PRAMEF11: variants seen among roughly 807,000 people sequenced by gnomAD.
The protein encoded by PRAMEF11 is PRAME family member 11.
PRAMEF11 carries 17 observed loss-of-function variants against 33.6 expected under a neutral mutation model. The ratio of observed to expected loss-of-function variants is 0.51; its 90% confidence interval spans 0.35 to 0.76. PRAMEF11 has a LOEUF of 0.76. Among genes scored for constraint, PRAMEF11 ranks in the 30% least tolerant of loss-of-function variants. The pLI, the probability that PRAMEF11 is intolerant of heterozygous loss-of-function variation, is 0.01. For synonymous variants in PRAMEF11, 205 were observed against 227.3 expected, an observed-to-expected ratio of 0.90 and a Z score of 0.88; for missense variants, 568 against 567.0, an observed-to-expected ratio of 1.00 and a Z score of -0.02.
intron 3 of PRAMEF11, among the ~76,000 whole-genome samples, chr1:12,827,035 T>C (rs3738103): frequency 0.072 from 10,900 of 151,032 alleles, 700 homozygotes; most frequent in East Asian, 0.15. Flanking sequence ...GCAGCCTCTC[T>C]ATAGCATCTC....
chr1:12,825,833 G>A lies in PRAMEF11; in HGVS notation c.876-330C>T, dbSNP rs1736828. On this transcript the variant is annotated intron_variant, in intron 3 of 3. Transcript: ENST00000619922. ...TACTAAAAATCCAAAAATTAGCCAGGTGTGGTGGCGGGAGCCTGCAATTCC... is the reference window on the plus strand; with the variant it reads ...TACTAAAAATCCAAAAATTAGCCAGATGTGGTGGCGGGAGCCTGCAATTCC... 1.0e-3 allele frequency among the ~76,000 whole-genome samples: 158 copies of A among 150,646 alleles called. 5 individuals carry two copies. The highest frequency in any genetic ancestry group is 1.2e-3 in the Non-Finnish European group (81 of 67,564).
intron 1 of PRAMEF11, among the ~76,000 whole-genome samples, chr1:12,830,325 T>C (rs1639979096): frequency 6.6e-6 from 1 of 151,168 alleles, no homozygotes; most frequent in Non-Finnish European, 1.5e-5. Context: ...TCTCACTTCA[T>C]CGGCCAGGCT....
Position 12,827,278 on chromosome 1 carries a change from G to T in PRAMEF11, c.846C>A (p.Phe282Leu). The T allele has an allele frequency of 6.3e-7, 1 of 1,597,498 alleles. No individual in the cohort carries two copies. The highest frequency in any genetic ancestry group is 8.5e-7 in the Non-Finnish European group (1 of 1,177,974). Residue 282 changes from phenylalanine to leucine, a missense_variant, in exon 3 of 4, where the codon TTC becomes TTA. By Grantham distance (22) the Phe-to-Leu change is conservative. Transcript: ENST00000619922. ...GCAGCTGGTCCAGGTGGCCTTCGAG[G>T]AAAGAAACAGAGTTCATATAAAGCT... ...LQKLYMNSVSFLEGHLDQLLS... is the reference protein window; with the variant it reads ...LQKLYMNSVSLLEGHLDQLLS...
rs758086793 is a variant in PRAMEF11, at chr1:12,827,575, G to C, written c.549C>G (p.Cys183Trp). ...VKQRRDLLHL[C>W]CKKLKILGMP... ...TTCCCAAAATTTTCAGCTTCTTACA[G>C]CACAGGTGTAGTAAATCTCTCCTCT... Residue 183 changes from cysteine to tryptophan, a missense_variant, in exon 3 of 4, where the codon TGC becomes TGG. This residue lies in a region of PRAMEF11 where 342 missense variants were observed against 312.0 expected (regional missense o/e 1.10). Coordinates refer to ENST00000619922, the MANE Select transcript of PRAMEF11 (RefSeq NM_001146344.3). The C allele has an allele frequency of 8.7e-6, 14 of 1,609,730 alleles. 2 individuals are homozygous for C. The East Asian group carries it at 2.9e-4, about 34-fold the overall frequency.
chr1:12,827,699 C>T lies in PRAMEF11; in HGVS notation c.425G>A (p.Arg142Lys). The T allele has an allele frequency of 6.2e-7, 1 of 1,609,908 alleles. No homozygotes were observed. ...RNKKPVQDCP[R>K]MRGRQPLTVF... ...AGTCAAGGGCTGCCGTCCTCTCATCCTTGGACAGTCCTGCACTGGTTTTTT... is the reference window on the plus strand; with the variant it reads ...AGTCAAGGGCTGCCGTCCTCTCATCTTTGGACAGTCCTGCACTGGTTTTTT... The change falls in exon 3 of 4, where the codon AGG (arginine) becomes AAG (lysine). Residue 142 changes from arginine (R) to lysine (K), a missense_variant. Physicochemically the swap from Arg to Lys is conservative, Grantham distance 26. Coordinates refer to ENST00000619922, the MANE Select transcript of PRAMEF11 (RefSeq NM_001146344.3).
At position 12,830,344 on chromosome 1, in the gene PRAMEF11, G is replaced by A. The variant is rs1338744008; in HGVS notation, c.-17+1012C>T. Among the ~76,000 whole-genome samples the A allele has an allele frequency of 3.3e-5, 5 of 151,244 alleles. 1 individual carries two copies. Among genetic ancestry groups the A allele is most frequent in the Non-Finnish European group, 7.4e-5 (5 of 67,780 alleles). ...ACTTCATCGGCCAGGCTAGAGTGCAGTGGTGTCATATCGGCTCACTGTTAC... is the reference window on the plus strand; with the variant it reads ...ACTTCATCGGCCAGGCTAGAGTGCAATGGTGTCATATCGGCTCACTGTTAC... On this transcript the variant is annotated intron_variant, in intron 1 of 3. Coordinates refer to ENST00000619922, the MANE Select transcript of PRAMEF11 (RefSeq NM_001146344.3).
chr1:12,827,076 G>A lies in PRAMEF11; in HGVS notation c.875+173C>T, dbSNP rs529804705. Among the ~76,000 whole-genome samples the A allele has an allele frequency of 8.4e-5, 12 of 143,512 alleles. 2 individuals are homozygous for A. In the South Asian group the frequency reaches 2.8e-3, roughly 33 times the overall value. 94.1% of individuals were successfully genotyped at this position (143,512 alleles called of 152,430 possible). ...ACTGATCCCTCTGACTCTATTGGGA[G>A]GGTTGCATGATACCCATTTCAGGAC... On this transcript the variant is annotated intron_variant, in intron 3 of 3. Transcript: ENST00000619922.
intron 1 of PRAMEF11, among the ~76,000 whole-genome samples, chr1:12,829,050 T>A (rs1405856581): frequency 1.3e-5 from 2 of 151,630 alleles, no homozygotes; most frequent in African/African-American, 4.8e-5. Flanking sequence ...CAGTGCTCCA[T>A]CCAGTGACTA....
At chr1:12,826,805 A>C (rs1241082666) in intron 3 of PRAMEF11, among the ~76,000 whole-genome samples, 1 of 151,124 alleles carries the variant, frequency 6.6e-6, no homozygotes, top group Admixed American at 6.6e-5. Context: ...TTATTTATTC[A>C]TTTCTGACAG....
rs1485124075 is a variant in PRAMEF11 at position 12,828,868 on chromosome 1, T to G, written c.-16-63A>C. The G allele has an allele frequency of 1.9e-6, 3 of 1,600,424 alleles. No homozygotes were observed. In the African/African-American group the frequency reaches 4.0e-5, roughly 21 times the overall value. ...CAGGCCAAGCCCATGCAATCTCATC[T>G]TCTCCCAGGGCCAAAGTCACTGCTC... is the stretch of plus-strand genomic sequence containing the variant. On this transcript the variant is annotated intron_variant, in intron 1 of 3. Coordinates refer to ENST00000619922, the MANE Select transcript of PRAMEF11 (RefSeq NM_001146344.3).
At chr1:12,829,469 T>A (rs1384089799) in intron 1 of PRAMEF11, among the ~76,000 whole-genome samples, 2 of 151,140 alleles carry the variant, frequency 1.3e-5, no homozygotes, top group African/African-American at 4.9e-5. Context: ...TGGTGGGATC[T>A]CAGCTCAGTG....
intron 3 of PRAMEF11, among the ~76,000 whole-genome samples, chr1:12,826,923 G>A (rs1286680991): frequency 6.6e-6 from 1 of 151,128 alleles, no homozygotes; most frequent in African/African-American, 2.4e-5. Context: ...AACGCCCCTG[G>A]CCTATTTTTC....
chr1:12,829,505 A>T (rs994652713), intron 1 of PRAMEF11, among the ~76,000 whole-genome samples: 6 of 150,980 alleles, frequency 4.0e-5, no homozygotes, highest in Non-Finnish European at 7.4e-5. Context: ...AGCTCAAAGG[A>T]TTCTTCCTCC....
Position 12,826,536 on chromosome 1 carries a change from T to C in PRAMEF11, c.875+713A>G, listed in dbSNP as rs569660783. Among the ~76,000 whole-genome samples the C allele has an allele frequency of 3.3e-4, 49 of 150,724 alleles. 3 individuals carry two copies. The highest frequency in any genetic ancestry group is 1.0e-3 in the African/African-American group (43 of 41,250). On this transcript the variant is annotated intron_variant, in intron 3 of 3. Transcript: ENST00000619922. Reference sequence around the variant, plus strand: ...CAGCACTTTGGGAGTCCAAGGTGGGTGGATCACCTGAAATCAGGGGTTGGA... The same window carrying C: ...CAGCACTTTGGGAGTCCAAGGTGGGCGGATCACCTGAAATCAGGGGTTGGA...
In PRAMEF11 at chr1:12,827,418, G is replaced by A. The variant is rs761099840; in HGVS notation, c.706C>T (p.Leu236Phe). Reference protein sequence around the residue: ...FTPYLGHLRNLQKLVLSHMDV... With the variant: ...FTPYLGHLRNFQKLVLSHMDV... The stretch of plus-strand genomic sequence containing the variant: ...ATGTGGGAGAGAACGAGCTTCTGAA[G>A]ATTCCTCAAGTGGCCCAGGTATGGG... The change falls in exon 3 of 4, where the codon CTT becomes TTT. Residue 236 changes from leucine to phenylalanine, a missense_variant. This residue lies in a region of PRAMEF11 where 342 missense variants were observed against 312.0 expected (regional missense o/e 1.10). Coordinates refer to ENST00000619922, the MANE Select transcript of PRAMEF11 (RefSeq NM_001146344.3). The A allele has an allele frequency of 5.0e-6, 8 of 1,607,132 alleles. No homozygotes were observed. The highest frequency in any genetic ancestry group is 1.3e-5 in the African/African-American group (1 of 74,694).
Position 12,827,952 on chromosome 1 carries a change from C to A in PRAMEF11, c.294-122G>T, listed in dbSNP as rs55862147. ...GTCCCTCTCTCTGAGTTTTCTTCAC[C>A]CTGTTTTCCCCTTGGATCCTACCCA... On this transcript the variant is annotated intron_variant, in intron 2 of 3. Coordinates refer to ENST00000619922, the MANE Select transcript of PRAMEF11 (RefSeq NM_001146344.3). 5 of 1,536,764 alleles carry A rather than the reference C, an allele frequency of 3.3e-6. 1 individual carries two copies. The highest frequency in any genetic ancestry group is 3.5e-6 in the Non-Finnish European group (4 of 1,138,598).
intron 3 of PRAMEF11, 50 bp downstream of exon 3, chr1:12,827,199 G>C (rs1448383611): frequency 6.7e-7 from 1 of 1,494,144 alleles, no homozygotes; most frequent in Non-Finnish European, 9.2e-7. Context: ...AGTGTTCACT[G>C]TAACAGGCTC....
chr1:12,828,726 C>T lies in PRAMEF11; in HGVS notation c.64G>A (p.Asp22Asn). 3 of 1,610,246 alleles carry T rather than the reference C, an allele frequency of 1.9e-6. No homozygotes were observed. The highest frequency in any genetic ancestry group is 2.5e-6 in the Non-Finnish European group (3 of 1,178,020). Residue 22 changes from aspartate (D) to asparagine (N), a missense_variant, in exon 2 of 4, where the codon GAC (aspartate) becomes AAC (asparagine). Transcript: ENST00000619922. ...LELAGRSLLR[D>N]QALAVSTLEE... Reference sequence around the variant, plus strand: ...AGGGTGGAGACGGCCAAGGCTTGGTCCCTCAGCAGGCTCCGCCCCGCAAGC... The same window carrying T: ...AGGGTGGAGACGGCCAAGGCTTGGTTCCTCAGCAGGCTCCGCCCCGCAAGC...
chr1:12,826,880 A>T (rs1005762137), intron 3 of PRAMEF11, among the ~76,000 whole-genome samples: 5 of 150,036 alleles, frequency 3.3e-5, no homozygotes, highest in African/African-American at 1.2e-4. Flanking sequence ...CTTGCCTCAG[A>T]CTCCCAAACT....
Sources: gnomAD v4.1 joint callset for allele counts (sites outside exome capture counted in the v4.1 genomes callset) on GRCh38, gnomAD v4.1.1 for gene constraint, gnomAD v4.1.1 regional missense constraint, MANE v1.5 for transcripts, NCBI Gene and HGNC (gene_info 2026-07-23, HGNC 2026-07-21) for gene names.